The following APBB1 variants were observed in gnomAD, a reference collection of about 807,000 sequenced individuals.
APBB1 encodes adaptor protein FE65a2.
APBB1 carries 22 observed loss-of-function variants against 78.4 expected under a neutral mutation model. That is an observed-to-expected ratio of 0.28 (90% CI 0.20 to 0.40). The LOEUF is 0.40. Among genes scored for constraint, APBB1 ranks in the 10% least tolerant of loss-of-function variants. APBB1 has a pLI of 1.00. For missense variants in APBB1, 749 were observed against 932.4 expected, an observed-to-expected ratio of 0.80 and a Z score of 2.56; for synonymous variants, 369 against 372.7, an observed-to-expected ratio of 0.99 and a Z score of 0.12.
intron 1 of APBB1, among the ~76,000 whole-genome samples, chr11:6,417,665 C>A (rs1163583969): frequency 6.6e-6 from 1 of 152,052 alleles, no homozygotes; most frequent in African/African-American, 2.4e-5. Flanking sequence ...TGGTGGTGGC[C>A]CAGATTAACT....
At chr11:6,396,631 A>G (rs953996914) in intron 12 of APBB1, 1 of 205,556 alleles carries the variant, frequency 4.9e-6, no homozygotes, top group African/African-American at 2.4e-5. Context: ...ATTTTTTAAG[A>G]TATCTATCTG....
At chr11:6,402,785 T>C in intron 6 of APBB1, 60 bp from the exon 7 acceptor site, 1 of 1,603,728 alleles carries the variant, frequency 6.2e-7, no homozygotes, top group Non-Finnish European at 8.5e-7. Flanking sequence ...GGAGAGTTCC[T>C]GACTACAGAG....
Position 6,404,048 on chromosome 11 carries a change from A to C in APBB1, c.722-226T>G, listed in dbSNP as rs1848674523. 4 of 452,890 alleles carry C rather than the reference A, an allele frequency of 8.8e-6. No homozygotes were observed. In the Admixed American group the frequency reaches 1.5e-4, roughly 17 times the overall value. 28.1% of individuals were successfully genotyped at this position (452,890 alleles called of 1,614,324 possible). On this transcript the variant is annotated intron_variant, in intron 2 of 14. Transcript: ENST00000609360. Reference sequence around the variant, plus strand: ...TCCTCCTGGGCCCTGTTGGTGGCTAATGTGGCCACACTGTGGAAAGGAGGA... The same window carrying C: ...TCCTCCTGGGCCCTGTTGGTGGCTACTGTGGCCACACTGTGGAAAGGAGGA...
In APBB1 at chr11:6,403,058, G is replaced by C; in HGVS notation, c.1104+87C>G. 3 of 1,283,586 alleles carry C rather than the reference G, an allele frequency of 2.3e-6. No individual in the cohort carries two copies. The East Asian group carries it at 7.0e-5, about 30-fold the overall frequency. The allele number at this position is 1,283,586 out of a possible 1,614,324, so 79.5% of individuals were successfully genotyped here. On this transcript the variant is annotated intron_variant, in intron 6 of 14. Coordinates refer to ENST00000609360, the MANE Select transcript of APBB1 (RefSeq NM_001164.5). The surrounding 1 kb of genome is among the most constrained non-coding windows in gnomAD (Gnocchi z 5.3). ...CCTAACTCAGGACCTGGGGAACTGC[G>C]CTGAGACCCCTCAGAGCACAACATT...
At chr11:6,413,802 T>C (rs969728502) in intron 1 of APBB1, among the ~76,000 whole-genome samples, 2 of 152,102 alleles carry the variant, frequency 1.3e-5, no homozygotes, top group African/African-American at 4.8e-5. Flanking sequence ...CTCTAGTTCC[T>C]CAGACACTAG....
At chr11:6,402,993 C>A in intron 6 of APBB1, 152 bp downstream of exon 6, 1 of 853,108 alleles carries the variant, frequency 1.2e-6, no homozygotes, top group Non-Finnish European at 1.8e-6. Flanking sequence ...GAAGTGCCTC[C>A]AGCTCAGACA....
Position 6,402,152 on chromosome 11 carries a change from T to G in APBB1, c.1312A>C (p.Ser438Arg). The change falls in exon 8 of 15, where the codon AGC (serine) becomes CGC (arginine). Residue 438 changes from serine to arginine, a missense_variant. Physicochemically the swap from Ser to Arg is moderately radical, Grantham distance 110. This residue lies in a region of APBB1 where 635 missense variants were observed against 765.0 expected (regional missense o/e 0.83). Coordinates refer to ENST00000609360, the MANE Select transcript of APBB1 (RefSeq NM_001164.5). ...DETLKLVEPQSQALLHAQPII... is the reference protein window; with the variant it reads ...DETLKLVEPQRQALLHAQPII... ...GGTTGGGCGTGCAGCAGTGCCTGGCTCTGTGGCTCCACTAGCTTTAGTGTC... is the reference window on the plus strand; with the variant it reads ...GGTTGGGCGTGCAGCAGTGCCTGGCGCTGTGGCTCCACTAGCTTTAGTGTC... 6.2e-7 allele frequency: 1 copy of G among 1,614,120 alleles called. No homozygotes were observed. The highest frequency in any genetic ancestry group is 8.5e-7 in the Non-Finnish European group (1 of 1,180,030).
chr11:6,418,896 T>A, intron 1 of APBB1, 89 bp downstream of exon 1: 2 of 367,452 alleles, frequency 5.4e-6, no homozygotes, highest in Non-Finnish European at 9.7e-6. Context: ...GGACCCGGGC[T>A]GCCGCAGGGT....
At chr11:6,396,766 T>G (rs181550525) in intron 12 of APBB1, among the ~76,000 whole-genome samples, 1 of 152,290 alleles carries the variant, frequency 6.6e-6, no homozygotes, top group Middle Eastern at 3.4e-3. Context: ...ACGGAAGAGA[T>G]AGGTAATATG....
Position 6,411,163 on chromosome 11 carries a change from G to A in APBB1, c.185C>T (p.Pro62Leu). 1.2e-6 allele frequency: 2 copies of A among 1,608,950 alleles called. No individual in the cohort carries two copies. The highest frequency in any genetic ancestry group is 1.7e-6 in the Non-Finnish European group (2 of 1,179,506). Residue 62 changes from proline (P) to leucine (L), a missense_variant, in exon 2 of 15, where the codon CCA becomes CTA. Physicochemically the swap from Pro to Leu is moderately conservative, Grantham distance 98. Transcript: ENST00000609360. The surrounding 1 kb of genome is among the most constrained non-coding windows in gnomAD (Gnocchi z 5.2). The stretch of plus-strand genomic sequence containing the variant: ...TAGCCACTTGGCATTGGCAGGGCCT[G>A]GCTCAGGCCCACCACCCTCCCCCAT... ...SAMGEGGGPE[P>L]GPANAKWLKE...
At chr11:6,402,868 G>T in intron 6 of APBB1, 143 bp from the exon 7 acceptor site, 2 of 1,091,824 alleles carry the variant, frequency 1.8e-6, no homozygotes, top group Non-Finnish European at 2.6e-6. Flanking sequence ...GGGAGAGGGG[G>T]ATGTGGTTAG....
upstream of APBB1, chr11:6,419,300 C>A (rs997177804): frequency 1.5e-5 from 4 of 267,952 alleles, no homozygotes; most frequent in Non-Finnish European, 2.8e-5. Flanking sequence ...CCCTGGGACC[C>A]CCGCCTAGCG....
rs1590789547 is a variant in APBB1 at position 6,411,786 on chromosome 11, C to A, written c.-14-425G>T. ...CACTGACTGCCCCTCTCCGGCCGCA[C>A]TTCCATCCCAAGCCCCATCACTGTA... On this transcript the variant is annotated intron_variant, in intron 1 of 14. Transcript: ENST00000609360. This position sits in a 1 kb window ranked among gnomAD's most constrained non-coding sequence, Gnocchi z 5.2. 6.6e-6 allele frequency among the ~76,000 whole-genome samples: 1 copy of A among 152,186 alleles called. No homozygotes were observed. Among genetic ancestry groups the A allele is most frequent in the Non-Finnish European group, 1.5e-5 (1 of 68,036 alleles).
intron 1 of APBB1, among the ~76,000 whole-genome samples, chr11:6,418,602 A>C (rs1407327390): frequency 6.6e-6 from 1 of 152,180 alleles, no homozygotes; most frequent in Non-Finnish European, 1.5e-5. Flanking sequence ...ATGCGGCTTG[A>C]CAGATCCAGG....
intron 2 of APBB1, among the ~76,000 whole-genome samples, chr11:6,407,772 TA>T (rs1848849321): frequency 7.6e-6 from 1 of 131,420 alleles, no homozygotes; most frequent in Non-Finnish European, 1.6e-5. Flanking sequence ...TTAGTAGAAG[TA>T]TTTTTTTTTT....
At chr11:6,408,375 C>A (rs1254128794) in intron 2 of APBB1, among the ~76,000 whole-genome samples, 1 of 152,176 alleles carries the variant, frequency 6.6e-6, no homozygotes, top group Non-Finnish European at 1.5e-5. Context: ...ATAGATCAGG[C>A]CAGACATGGT....
chr11:6,403,034 C>G lies in APBB1; in HGVS notation c.1104+111G>C. The G allele has an allele frequency of 1.8e-6, 2 of 1,096,508 alleles. No individual in the cohort carries two copies. The highest frequency in any genetic ancestry group is 1.5e-5 in the South Asian group (1 of 65,206). 67.9% of individuals were successfully genotyped at this position (1,096,508 alleles called of 1,614,324 possible). A position where few individuals can be genotyped will look rare whatever the true frequency, so the allele number is the denominator to read the frequency against. On this transcript the variant is annotated intron_variant, in intron 6 of 14. Coordinates refer to ENST00000609360, the MANE Select transcript of APBB1 (RefSeq NM_001164.5). The surrounding 1 kb of genome is among the most constrained non-coding windows in gnomAD (Gnocchi z 5.3). ...CTCTGTGCTGAGACTGGAAGAACTC[C>G]TAACTCAGGACCTGGGGAACTGCGC...
Position 6,396,168 on chromosome 11 carries a change from T to G in APBB1, c.1720A>C (p.Ser574Arg). The change falls in exon 13 of 15, where the codon AGC (serine) becomes CGC (arginine). Residue 574 changes from serine (S) to arginine (R), a missense_variant. By Grantham distance (110) the Ser-to-Arg change is moderately radical (BLOSUM62 -1). This residue lies in a region of APBB1 where 635 missense variants were observed against 765.0 expected (regional missense o/e 0.83). Transcript: ENST00000609360. ...TGACTTGGGGTCCATTGTTCACGGC[T>G]GCTGGAGGACAGGACTGACTCGAGG... ...GALESVLSSSSREQWTPSHVS... is the reference protein window; with the variant it reads ...GALESVLSSSRREQWTPSHVS... The G allele has an allele frequency of 1.3e-6, 2 of 1,551,988 alleles. No individual in the cohort carries two copies. The highest frequency in any genetic ancestry group is 4.9e-5 in the East Asian group (2 of 40,956).
At chr11:6,404,308 A>C (rs1848686650) in intron 2 of APBB1, among the ~76,000 whole-genome samples, 2 of 152,204 alleles carry the variant, frequency 1.3e-5, no homozygotes, top group African/African-American at 4.8e-5. Flanking sequence ...TATCACACAC[A>C]GGTGCACATG....
Sources: allele counts gnomAD v4.1 joint callset (sites outside exome capture counted in the v4.1 genomes callset), GRCh38; gene constraint gnomAD v4.1.1; regional missense constraint gnomAD v4.1.1; non-coding constraint Gnocchi (gnomAD v3.1); transcripts MANE v1.5; gene names NCBI Gene and HGNC (gene_info 2026-07-23, HGNC 2026-07-21).